The following SLC4A10 variants were observed in gnomAD, a reference collection of about 807,000 sequenced individuals.
The protein encoded by SLC4A10 is sodium-driven chloride bicarbonate exchanger.
A neutral mutation model predicts 137.7 loss-of-function variants in SLC4A10; 42 were observed. That is an observed-to-expected ratio of 0.30 (90% CI 0.24 to 0.39). The LOEUF is 0.39. Ranked by LOEUF, SLC4A10 falls within the 10% of genes least tolerant of loss-of-function variation. The probability of loss-of-function intolerance (pLI) is 1.00; values close to 1 mark genes in which losing one functional copy is unlikely to be tolerated. For synonymous variants in SLC4A10, 474 were observed against 464.1 expected, an observed-to-expected ratio of 1.02 and a Z score of -0.27; for missense variants, 925 against 1,355.0, an observed-to-expected ratio of 0.68 and a Z score of 4.98.
At chr2:161,939,191 C>A (rs745699894) in intron 15 of SLC4A10, among the ~76,000 whole-genome samples, 1 of 152,122 alleles carries the variant, frequency 6.6e-6, no homozygotes, top group East Asian at 1.9e-4. Flanking sequence ...ATTCTCCTGC[C>A]TCAGCCTCCT....
chr2:161,965,128 G>C lies in SLC4A10; in HGVS notation c.3114G>C (p.Leu1038Phe). 1 of 1,612,414 alleles carries C rather than the reference G, an allele frequency of 6.2e-7. No individual in the cohort carries two copies. The highest frequency in any genetic ancestry group is 8.5e-7 in the Non-Finnish European group (1 of 1,178,992). ...TKRELSWLDD[L>F]MPESKKKKLE... ...GGGAACTCAGCTGGTTGGATGATTT[G>C]ATGCCCGAGAGTAAGAAAAAGAAAC... is the stretch of plus-strand genomic sequence containing the variant. The change falls in exon 23 of 27, where the codon TTG becomes TTC. Residue 1038 changes from leucine (L) to phenylalanine (F), a missense_variant. Transcript: ENST00000446997.
intron 5 of SLC4A10, among the ~76,000 whole-genome samples, chr2:161,858,071 C>T (rs185628629): frequency 1.3e-5 from 2 of 151,976 alleles, no homozygotes; most frequent in African/African-American, 4.8e-5. Flanking sequence ...AACAATCAGC[C>T]CTGAAACTTT....
At chr2:161,698,554 A>G (rs937451596) in intron 1 of SLC4A10, among the ~76,000 whole-genome samples, 8 of 152,172 alleles carry the variant, frequency 5.3e-5, no homozygotes, top group African/African-American at 1.7e-4. Context: ...TTCTGCATCT[A>G]TTGAGATAAC....
chr2:161,926,016 A>T (rs1689003722), intron 15 of SLC4A10, among the ~76,000 whole-genome samples: 1 of 152,004 alleles, frequency 6.6e-6, no homozygotes, highest in Admixed American at 6.6e-5. Flanking sequence ...TGCTGAAAAA[A>T]ATGTATATTC....
At chr2:161,662,816 A>G (rs1353802348) in intron 1 of SLC4A10, among the ~76,000 whole-genome samples, 1 of 152,206 alleles carries the variant, frequency 6.6e-6, no homozygotes, top group African/African-American at 2.4e-5. Context: ...CTGACAAACC[A>G]TTGCTATATC....
intron 1 of SLC4A10, among the ~76,000 whole-genome samples, chr2:161,686,240 A>G (rs2041390052): frequency 6.6e-6 from 1 of 152,260 alleles, no homozygotes; most frequent in African/African-American, 2.4e-5. Flanking sequence ...TAGGGATATG[A>G]AAGATGAAGT....
intron 15 of SLC4A10, among the ~76,000 whole-genome samples, chr2:161,927,347 A>T (rs536256212): frequency 6.6e-6 from 1 of 152,096 alleles, no homozygotes. Context: ...CCAGTTGATC[A>T]CATCAGCTCC....
intron 1 of SLC4A10, among the ~76,000 whole-genome samples, chr2:161,637,594 TGG>T (rs1044805585): frequency 1.3e-5 from 2 of 152,180 alleles, no homozygotes; most frequent in African/African-American, 4.8e-5. Flanking sequence ...GGTGTAAACA[TGG>T]GAGTACAAAT....
chr2:161,715,541 G>A (rs1401038446), intron 1 of SLC4A10, among the ~76,000 whole-genome samples: 1 of 151,850 alleles, frequency 6.6e-6, no homozygotes, highest in Non-Finnish European at 1.5e-5. Context: ...TTTTTCCCCT[G>A]CCTGTGTCCA....
At chr2:161,813,356 C>T (rs565473271) in intron 3 of SLC4A10, among the ~76,000 whole-genome samples, 3 of 152,142 alleles carry the variant, frequency 2.0e-5, no homozygotes, top group African/African-American at 7.2e-5. Context: ...ATCCAAATGC[C>T]CTGTACTTCT....
chr2:161,914,556 A>G (rs951650448), intron 15 of SLC4A10, among the ~76,000 whole-genome samples: 2 of 152,208 alleles, frequency 1.3e-5, no homozygotes, highest in African/African-American at 4.8e-5. Flanking sequence ...TTCATGGTCT[A>G]TAAAACTTGT....
intron 1 of SLC4A10, among the ~76,000 whole-genome samples, chr2:161,679,824 A>T (rs2040654530): frequency 6.6e-6 from 1 of 151,332 alleles, no homozygotes; most frequent in Non-Finnish European, 1.5e-5. Context: ...AGGTCTTGTT[A>T]CTTGTAGTCA....
At chr2:161,700,257 A>G (rs1275065566) in intron 1 of SLC4A10, among the ~76,000 whole-genome samples, 3 of 152,172 alleles carry the variant, frequency 2.0e-5, no homozygotes, top group Non-Finnish European at 4.4e-5. Context: ...CTAGCTAATG[A>G]CATAGTGGTT....
At chr2:161,650,679 G>C (rs925582488) in intron 1 of SLC4A10, among the ~76,000 whole-genome samples, 4 of 152,352 alleles carry the variant, frequency 2.6e-5, no homozygotes. Flanking sequence ...AGTTGAGGCT[G>C]AGCCCAGGTG....
At position 161,869,788 on chromosome 2, in the gene SLC4A10, T is replaced by A. The variant is rs538824700; in HGVS notation, c.767-2505T>A. The stretch of plus-strand genomic sequence containing the variant: ...AGGACTTTTGATGTGATTAAATATA[T>A]TTAATTATGAATATTAACGCCTATC... On this transcript the variant is annotated intron_variant, in intron 6 of 26. Transcript: ENST00000446997. Among the ~76,000 whole-genome samples the A allele has an allele frequency of 2.0e-5, 3 of 151,776 alleles. No individual in the cohort carries two copies. In the South Asian group the frequency reaches 6.2e-4, roughly 31 times the overall value.
rs144627069 is a variant in SLC4A10 at position 161,807,711 on chromosome 2, T to C, written c.277+3116T>C. ...TTCTAAATATCTTAGGTTCTAAGTT[T>C]TAGTTTTCTTCATACCTTTACTGCC... On this transcript the variant is annotated intron_variant, in intron 3 of 26. Transcript: ENST00000446997. Among the ~76,000 whole-genome samples the C allele has an allele frequency of 9.8e-4, 150 of 152,304 alleles. No homozygotes were observed. The Middle Eastern group carries it at 0.02, about 21-fold the overall frequency.
chr2:161,933,178 CCTT>C (rs1440507884), intron 15 of SLC4A10, among the ~76,000 whole-genome samples: 2 of 135,312 alleles, frequency 1.5e-5, no homozygotes, highest in African/African-American at 2.6e-5. Context: ...CTTTCCCCTT[CCTT>C]CTTTTCTTTC....
At chr2:161,833,539 C>T (rs2058572238) in intron 3 of SLC4A10, among the ~76,000 whole-genome samples, 1 of 152,118 alleles carries the variant, frequency 6.6e-6, no homozygotes, top group Non-Finnish European at 1.5e-5. Flanking sequence ...TTCTTTCACC[C>T]TTATGTTGGA....
intron 6 of SLC4A10, among the ~76,000 whole-genome samples, chr2:161,868,746 C>G (rs551330928): frequency 2.6e-5 from 4 of 151,532 alleles, no homozygotes; most frequent in Non-Finnish European, 4.4e-5. Flanking sequence ...TTAGGTTTCT[C>G]AAATGTTTCC....
Sources: gnomAD v4.1 joint callset for allele counts (sites outside exome capture counted in the v4.1 genomes callset) on GRCh38, gnomAD v4.1.1 for gene constraint, MANE v1.5 for transcripts, NCBI Gene and HGNC (gene_info 2026-07-23, HGNC 2026-07-21) for gene names.